Variants in SUGCT observed in about 807,000 individuals in gnomAD.
The protein encoded by SUGCT is succinyl-CoA:glutarate-CoA transferase.
In SUGCT, 41 loss-of-function variants were observed where a neutral mutation model predicts 55.0. That is an observed-to-expected ratio of 0.74 (90% CI 0.58 to 0.97). The LOEUF (loss-of-function observed/expected upper bound fraction) is 0.97, where lower values mean the gene tolerates loss of function less well. Ranked by LOEUF, SUGCT falls within the 50% of genes least tolerant of loss-of-function variation. The pLI is 0.00. For missense variants in SUGCT, 568 were observed against 547.8 expected, an observed-to-expected ratio of 1.04 and a Z score of -0.37; for synonymous variants, 187 against 200.4, an observed-to-expected ratio of 0.93 and a Z score of 0.56.
intron 13 of SUGCT, among the ~76,000 whole-genome samples, chr7:40,776,109 C>T (rs1039919444): frequency 4.6e-5 from 7 of 152,142 alleles, no homozygotes; most frequent in East Asian, 1.9e-4. Flanking sequence ...CCCATCCTGC[C>T]GCTGTGAAAG....
At chr7:40,450,541 G>A (rs1789133139) in intron 10 of SUGCT, among the ~76,000 whole-genome samples, 1 of 151,790 alleles carries the variant, frequency 6.6e-6, no homozygotes, top group Non-Finnish European at 1.5e-5. Flanking sequence ...TTGAGAGGCC[G>A]AGGTGGGCAG....
chr7:40,303,932 C>G (rs1360826741), intron 8 of SUGCT, among the ~76,000 whole-genome samples: 1 of 150,658 alleles, frequency 6.6e-6, no homozygotes, highest in African/African-American at 2.4e-5. Flanking sequence ...CCCGTCTCTA[C>G]TAAAAATAAA....
chr7:40,148,008 G>A (rs982052734), intron 1 of SUGCT, among the ~76,000 whole-genome samples: 1 of 152,252 alleles, frequency 6.6e-6, no homozygotes, highest in African/African-American at 2.4e-5. Context: ...CCCTGCTGCT[G>A]TGTTGTTCCC....
At chr7:40,952,275 C>A in the SUGCT span, among the ~76,000 whole-genome samples, 1 of 152,046 alleles carries the variant, frequency 6.6e-6, no homozygotes, top group Non-Finnish European at 1.5e-5. Flanking sequence ...AGGAATGCAA[C>A]CCCTGCCGTT....
At chr7:40,918,801 T>G in the SUGCT span, among the ~76,000 whole-genome samples, 22 of 152,348 alleles carry the variant, frequency 1.4e-4, no homozygotes, top group African/African-American at 5.1e-4. Flanking sequence ...ATTCAAATAC[T>G]CAAACAGCCA....
intron 12 of SUGCT, among the ~76,000 whole-genome samples, chr7:40,729,515 G>A (rs755336517): frequency 5.3e-5 from 8 of 152,180 alleles, no homozygotes; most frequent in Non-Finnish European, 8.8e-5. Context: ...TGGTAGAGGT[G>A]GTGGTGAGTG....
At chr7:40,339,451 G>T (rs113133936) in intron 9 of SUGCT, among the ~76,000 whole-genome samples, 31 of 152,214 alleles carry the variant, frequency 2.0e-4, no homozygotes, top group East Asian at 7.7e-4. Flanking sequence ...AATGGTGGGC[G>T]CCCCTCTCCT....
chr7:40,468,779 G>T (rs1360509362), intron 11 of SUGCT, among the ~76,000 whole-genome samples: 1 of 152,148 alleles, frequency 6.6e-6, no homozygotes, highest in Non-Finnish European at 1.5e-5. Flanking sequence ...ACAGCGCAGG[G>T]AGGGTTAAAG....
rs113894850 is a variant in SUGCT at position 40,731,232 on chromosome 7, C to G, written c.1090-18202C>G. Among the ~76,000 whole-genome samples, 4 of 152,114 alleles carry G rather than the reference C, an allele frequency of 2.6e-5. No individual in the cohort carries two copies. In the East Asian group the frequency reaches 7.7e-4, roughly 29 times the overall value. Reference sequence around the variant, plus strand: ...ATTTCAATTCATCTAATTATCTTAACGAGGCTACATGGTCGAACATAATAG... The same window carrying G: ...ATTTCAATTCATCTAATTATCTTAAGGAGGCTACATGGTCGAACATAATAG... On this transcript the variant is annotated intron_variant, in intron 12 of 13. Transcript: ENST00000335693.
chr7:40,889,377 G>A, the SUGCT span, among the ~76,000 whole-genome samples: 1 of 152,284 alleles, frequency 6.6e-6, no homozygotes, highest in South Asian at 2.1e-4. Context: ...TTGCTGGGAG[G>A]AGAGAGTGTC....
chr7:40,386,873 C>G (rs976925760), intron 9 of SUGCT, among the ~76,000 whole-genome samples: 2 of 152,144 alleles, frequency 1.3e-5, no homozygotes, highest in African/African-American at 4.8e-5. Flanking sequence ...TTGTAGGTGC[C>G]ACAGACCAGC....
chr7:41,001,252 T>C, the SUGCT span, among the ~76,000 whole-genome samples: 1 of 151,832 alleles, frequency 6.6e-6, no homozygotes, highest in East Asian at 1.9e-4. Context: ...GGAGGGTAGA[T>C]GAGTGGGGAG....
intron 9 of SUGCT, among the ~76,000 whole-genome samples, chr7:40,434,942 G>T (rs1342771546): frequency 6.6e-6 from 1 of 152,072 alleles, no homozygotes; most frequent in Non-Finnish European, 1.5e-5. Flanking sequence ...CTGTGGGTCA[G>T]CAGGACCCTC....
At chr7:40,607,075 C>T (rs1160486566) in intron 12 of SUGCT, among the ~76,000 whole-genome samples, 1 of 151,180 alleles carries the variant, frequency 6.6e-6, no homozygotes. Context: ...ATTTGAGAAA[C>T]ACTGAAGGCT....
chr7:40,589,080 A>C (rs908902595), intron 12 of SUGCT, among the ~76,000 whole-genome samples: 3 of 152,134 alleles, frequency 2.0e-5, no homozygotes, highest in African/African-American at 4.8e-5. Context: ...ATACAAAACC[A>C]GTAATTGGTG....
At chr7:40,590,213 C>G (rs996982557) in intron 12 of SUGCT, among the ~76,000 whole-genome samples, 1 of 152,106 alleles carries the variant, frequency 6.6e-6, no homozygotes, top group African/African-American at 2.4e-5. Context: ...ATCAGCTGTT[C>G]CCCATCTCTC....
chr7:40,232,145 GAGGT>G (rs374416968), intron 6 of SUGCT, among the ~76,000 whole-genome samples: 12 of 152,286 alleles, frequency 7.9e-5, no homozygotes, highest in African/African-American at 2.6e-4. Flanking sequence ...AGTCAAAAAT[GAGGT>G]AGGGAGAGCA....
intron 13 of SUGCT, among the ~76,000 whole-genome samples, chr7:40,796,372 A>T (rs1385241655): frequency 1.3e-5 from 2 of 152,318 alleles, no homozygotes; most frequent in Admixed American, 6.5e-5. Flanking sequence ...AGTGACCTGG[A>T]CATTTCTGAG....
intron 13 of SUGCT, among the ~76,000 whole-genome samples, chr7:40,774,036 T>C (rs903771064): frequency 3.9e-5 from 6 of 152,172 alleles, no homozygotes; most frequent in Admixed American, 3.9e-4. Context: ...GCAAATACAC[T>C]ACATCAAATT....
Sources: gnomAD v4.1 joint callset for allele counts (sites outside exome capture counted in the v4.1 genomes callset) on GRCh38, gnomAD v4.1.1 for gene constraint, MANE v1.5 for transcripts, NCBI Gene and HGNC (gene_info 2026-07-23, HGNC 2026-07-21) for gene names.